KAZN: variants seen among roughly 807,000 people sequenced by gnomAD.
The protein encoded by KAZN is kazrin, periplakin interacting protein.
A neutral mutation model predicts 87.4 loss-of-function variants in KAZN; 40 were observed. The ratio of observed to expected loss-of-function variants is 0.46; its 90% CI spans 0.36 to 0.60. The LOEUF (loss-of-function observed/expected upper bound fraction) is 0.60, where lower values mean the gene tolerates loss of function less well. KAZN is among the 20% of genes least tolerant of loss of function. The pLI is 0.00. For missense variants in KAZN, 898 were observed against 1,073.9 expected, an observed-to-expected ratio of 0.84 and a Z score of 2.29; for synonymous variants, 466 against 458.3, an observed-to-expected ratio of 1.02 and a Z score of -0.22.
intron 1 of KAZN, among the ~76,000 whole-genome samples, chr1:14,736,356 T>A (rs1302314087): frequency 6.7e-6 from 1 of 149,622 alleles, no homozygotes. Flanking sequence ...TAGAATTCAA[T>A]GGCGTGATCT....
intron 2 of KAZN, among the ~76,000 whole-genome samples, chr1:14,548,795 C>G (rs115592097): frequency 0.015 from 2,330 of 151,912 alleles, 50 homozygotes; most frequent in African/African-American, 0.053. Flanking sequence ...AACATTCTTT[C>G]GTTGTCTGCA....
chr1:14,543,230 C>T (rs3927648), intron 2 of KAZN, among the ~76,000 whole-genome samples: 63,205 of 152,092 alleles, frequency 0.42, 13,793 homozygotes, highest in Middle Eastern at 0.54. Context: ...GGCAGTGGCA[C>T]GAACATAAGT....
intron 2 of KAZN, among the ~76,000 whole-genome samples, chr1:14,505,124 C>T (rs1343867775): frequency 6.6e-6 from 1 of 152,178 alleles, no homozygotes; most frequent in Non-Finnish European, 1.5e-5. Context: ...ATGGCCACCT[C>T]GAATAACTCC....
At chr1:14,015,434 T>C (rs1640515534) in intron 1 of KAZN, among the ~76,000 whole-genome samples, 1 of 140,036 alleles carries the variant, frequency 7.1e-6, no homozygotes, top group Admixed American at 7.3e-5. Flanking sequence ...TAAATTATTT[T>C]ATAAAGACAA....
intron 1 of KAZN, among the ~76,000 whole-genome samples, chr1:13,990,614 G>A (rs1008043112): frequency 1.2e-4 from 19 of 152,096 alleles, no homozygotes; most frequent in African/African-American, 4.3e-4. Context: ...GGTTACATAG[G>A]TGCACACATT....
rs537620807 is a variant in KAZN at position 15,096,772 on chromosome 1, G to A, written c.1547+1839G>A. 7.9e-5 allele frequency among the ~76,000 whole-genome samples: 12 copies of A among 152,288 alleles called. 1 individual carries two copies. The South Asian group carries it at 2.5e-3, about 32-fold the overall frequency. ...TGATGTCTCTGGTCTCTTCCTGTAA[G>A]GACAATAATCCCATCATGAAGGGCA... On this transcript the variant is annotated intron_variant, in intron 10 of 14. Transcript: ENST00000376030. This position sits in a 1 kb window ranked among gnomAD's most constrained non-coding sequence, Gnocchi z 4.5.
intron 2 of KAZN, among the ~76,000 whole-genome samples, chr1:14,385,370 G>T (rs1007119234): frequency 2.0e-5 from 3 of 152,008 alleles, no homozygotes; most frequent in Non-Finnish European, 2.9e-5. Flanking sequence ...GAATATGTTT[G>T]CTCTTGCTTT....
At chr1:14,564,309 T>C (rs1033218983) in intron 2 of KAZN, among the ~76,000 whole-genome samples, 1 of 152,164 alleles carries the variant, frequency 6.6e-6, no homozygotes, top group Non-Finnish European at 1.5e-5. Context: ...AAACCTGTGA[T>C]TGTGAATCCA....
In KAZN at chr1:14,923,226, G is replaced by A. The variant is rs550289189; in HGVS notation, c.227-37458G>A. On this transcript the variant is annotated intron_variant, in intron 1 of 14. Coordinates refer to ENST00000376030, the MANE Select transcript of KAZN (RefSeq NM_201628.3). This position sits in a 1 kb window ranked among gnomAD's most constrained non-coding sequence, Gnocchi z 4.2. The stretch of plus-strand genomic sequence containing the variant: ...CTGGCTGTGTGGCCTCGGCTCCCGC[G>A]TGTCTACAACAGGGGGGAACTGGAC... Among the ~76,000 whole-genome samples the A allele has an allele frequency of 6.6e-6, 1 of 152,264 alleles. No individual in the cohort carries two copies. The highest frequency in any genetic ancestry group is 6.5e-5 in the Admixed American group (1 of 15,298).
At chr1:15,095,059 T>C (rs574864919) in intron 10 of KAZN, 126 bp downstream of exon 10, 1 of 678,574 alleles carries the variant, frequency 1.5e-6, no homozygotes, top group South Asian at 1.7e-5. Flanking sequence ...AGGGTGTGAC[T>C]AAGATGGTCC....
chr1:14,079,429 A>C (rs1309396684), intron 1 of KAZN, among the ~76,000 whole-genome samples: 2 of 152,252 alleles, frequency 1.3e-5, no homozygotes, highest in Admixed American at 6.5e-5. Flanking sequence ...GAATCATCAG[A>C]ATCGTCTATT....
intron 2 of KAZN, among the ~76,000 whole-genome samples, chr1:14,413,202 A>T (rs1664445574): frequency 6.6e-6 from 1 of 151,760 alleles, no homozygotes; most frequent in African/African-American, 2.4e-5. Context: ...TGAGAAAAAG[A>T]TGGACTGACA....
Position 15,025,793 on chromosome 1 carries a change from C to T in KAZN, c.419-8956C>T, listed in dbSNP as rs72639840. Among the ~76,000 whole-genome samples the T allele has an allele frequency of 9.3e-4, 142 of 152,304 alleles. 1 individual carries two copies. Among genetic ancestry groups the T allele is most frequent in the Admixed American group, 4.2e-3 (65 of 15,300 alleles). On this transcript the variant is annotated intron_variant, in intron 2 of 14. Transcript: ENST00000376030. ...TTGGCTGCGCGAGCCGGTCAACCCA[C>T]TTCACCTCGTGGTGAGAAGATAAAG...
rs150201445 is a variant in KAZN, at chr1:14,824,478, G to A, written c.227-136206G>A. 2.5e-3 allele frequency among the ~76,000 whole-genome samples: 380 copies of A among 152,252 alleles called. 2 individuals are homozygous for A. Among genetic ancestry groups the A allele is most frequent in the Non-Finnish European group, 4.2e-3 (285 of 68,010 alleles). Reference sequence around the variant, plus strand: ...AATGGAGAATTCAGTAGACCTACCCGGCACCCAACAGCTGTTGTGTGGGCA... The same window carrying A: ...AATGGAGAATTCAGTAGACCTACCCAGCACCCAACAGCTGTTGTGTGGGCA... On this transcript the variant is annotated intron_variant, in intron 1 of 14. Transcript: ENST00000376030.
At chr1:14,924,536 C>T in intron 1 of KAZN, 1 of 1,011,238 alleles carries the variant, frequency 9.9e-7, no homozygotes, top group Non-Finnish European at 1.2e-6. Context: ...CGCCGGGGTT[C>T]CCCGGGTCCG....
At chr1:14,765,698 C>A (rs1462035589) in intron 1 of KAZN, among the ~76,000 whole-genome samples, 1 of 152,170 alleles carries the variant, frequency 6.6e-6, no homozygotes, top group Non-Finnish European at 1.5e-5. Context: ...TCAGAGAGTG[C>A]CTCAGCCAGG....
chr1:14,905,701 G>A (rs980979872), intron 1 of KAZN, among the ~76,000 whole-genome samples: 3 of 151,226 alleles, frequency 2.0e-5, no homozygotes. Context: ...AAAATTAGCT[G>A]GGCATGGTGG....
At chr1:13,920,880 A>G (rs774530217) in intron 1 of KAZN, among the ~76,000 whole-genome samples, 3 of 152,164 alleles carry the variant, frequency 2.0e-5, no homozygotes, top group Non-Finnish European at 2.9e-5. Context: ...GGTGGTTTTC[A>G]ATCAAGGGGA....
At chr1:14,547,222 C>T (rs1673209893) in intron 2 of KAZN, among the ~76,000 whole-genome samples, 1 of 152,186 alleles carries the variant, frequency 6.6e-6, no homozygotes, top group Non-Finnish European at 1.5e-5. Flanking sequence ...ATGCAAGCTA[C>T]CTTTGGCCTA....
Sources: allele counts gnomAD v4.1 joint callset (sites outside exome capture counted in the v4.1 genomes callset), GRCh38; gene constraint gnomAD v4.1.1; non-coding constraint Gnocchi (gnomAD v3.1); transcripts MANE v1.5; gene names NCBI Gene and HGNC (gene_info 2026-07-23, HGNC 2026-07-21).